Variants in ARMC2 observed in about 807,000 individuals in gnomAD.
ARMC2 encodes armadillo repeat-containing protein 2.
Under a neutral mutation model 90.3 loss-of-function variants are expected in ARMC2, and 67 were observed. That is an observed-to-expected ratio of 0.74 (90% CI 0.61 to 0.91). ARMC2 has a LOEUF of 0.91. ARMC2 is among the 40% of genes least tolerant of loss of function. ARMC2 has a pLI of 0.00. For synonymous variants in ARMC2, 393 were observed against 393.0 expected, an observed-to-expected ratio of 1.00 and a Z score of 0.00; for missense variants, 920 against 1,030.9, an observed-to-expected ratio of 0.89 and a Z score of 1.47.
intron 10 of ARMC2, among the ~76,000 whole-genome samples, chr6:108,913,455 T>C (rs1422679236): frequency 2.6e-5 from 4 of 152,268 alleles, no homozygotes; most frequent in Non-Finnish European, 4.4e-5. Flanking sequence ...TCATCAATGA[T>C]GCACAGTTTT....
chr6:108,954,045 A>C (rs1777387950), intron 13 of ARMC2, among the ~76,000 whole-genome samples: 2 of 152,148 alleles, frequency 1.3e-5, no homozygotes, highest in Non-Finnish European at 2.9e-5. Context: ...TGGTGCAAGC[A>C]CTTGTGGGGT....
At chr6:108,978,913 T>C (rs1779036460), downstream of ARMC2, among the ~76,000 whole-genome samples, 1 of 152,192 alleles carries the variant, frequency 6.6e-6, no homozygotes, top group Admixed American at 6.5e-5. Context: ...ATGGGTCTCC[T>C]GAATACAGCA....
At chr6:108,981,188 C>G in the ARMC2 span, among the ~76,000 whole-genome samples, 1 of 152,036 alleles carries the variant, frequency 6.6e-6, no homozygotes, top group Non-Finnish European at 1.5e-5. Context: ...CGCCAAACAG[C>G]CCCCTTCATA....
Position 108,858,440 on chromosome 6 carries a change from G to A in ARMC2, c.291+169G>A, listed in dbSNP as rs566350526. Among the ~76,000 whole-genome samples the A allele has an allele frequency of 6.7e-4, 101 of 151,790 alleles. 1 individual carries two copies. The highest frequency in any genetic ancestry group is 2.4e-3 in the African/African-American group (100 of 41,396). On this transcript the variant is annotated intron_variant, in intron 3 of 17. Coordinates refer to ENST00000392644, the MANE Select transcript of ARMC2 (RefSeq NM_032131.6). ...TCTTTTATATTGTTCAAATGTAATG[G>A]GTAATATCTAATGAAATACTTCTAT...
At chr6:108,871,296 A>T (rs1478306716) in intron 4 of ARMC2, among the ~76,000 whole-genome samples, 2 of 152,132 alleles carry the variant, frequency 1.3e-5, no homozygotes, top group Non-Finnish European at 2.9e-5. Flanking sequence ...TACCAAAGGG[A>T]GAGACAATGT....
intron 4 of ARMC2, 40 bp downstream of exon 4, chr6:108,869,035 A>G (rs769078378): frequency 6.6e-7 from 1 of 1,525,730 alleles, no homozygotes; most frequent in Non-Finnish European, 8.8e-7. Context: ...GGGGACAGGC[A>G]TGCTTCTTGA....
At chr6:109,032,393 C>A in the ARMC2 span, among the ~76,000 whole-genome samples, 1 of 151,986 alleles carries the variant, frequency 6.6e-6, no homozygotes, top group Non-Finnish European at 1.5e-5. Context: ...CCGAGGCGGG[C>A]AAATCACAAG....
At chr6:108,998,463 G>A in the ARMC2 span, 17 of 1,599,786 alleles carry the variant, frequency 1.1e-5, no homozygotes, top group African/African-American at 1.2e-4. Context: ...TAATATAACA[G>A]CAATTATTGT....
At chr6:108,953,388 C>T (rs901915802) in intron 13 of ARMC2, 37 bp downstream of exon 13, 1 of 1,550,752 alleles carries the variant, frequency 6.4e-7, no homozygotes, top group Non-Finnish European at 8.7e-7. Flanking sequence ...GCAGACACAA[C>T]CAACTTTCCC....
chr6:108,992,106 TATTA>T, the ARMC2 span, among the ~76,000 whole-genome samples: 3 of 152,096 alleles, frequency 2.0e-5, no homozygotes, highest in African/African-American at 7.2e-5. Context: ...TTAGCTTATT[TATTA>T]TTTTTTGAGA....
At chr6:108,956,291 A>G (rs1458496287) in intron 13 of ARMC2, among the ~76,000 whole-genome samples, 1 of 152,200 alleles carries the variant, frequency 6.6e-6, no homozygotes, top group Non-Finnish European at 1.5e-5. Context: ...AAAGTGAAAA[A>G]ACTCCTCATC....
intron 3 of ARMC2, among the ~76,000 whole-genome samples, chr6:108,864,876 C>CTT (rs910047613): frequency 1.3e-5 from 2 of 152,064 alleles, no homozygotes; most frequent in Non-Finnish European, 2.9e-5. Context: ...TCAATGGACT[C>CTT]TAACAGGTCC....
chr6:109,020,274 CT>C, the ARMC2 span, among the ~76,000 whole-genome samples: 1 of 152,168 alleles, frequency 6.6e-6, no homozygotes, highest in South Asian at 2.1e-4. Context: ...CTGATAAAAT[CT>C]TCTCACCAAC....
At chr6:108,899,881 T>C in intron 7 of ARMC2, 89 bp downstream of exon 7, 1 of 943,692 alleles carries the variant, frequency 1.1e-6, no homozygotes, top group East Asian at 2.7e-5. Context: ...ATTGCCCTGA[T>C]ATTTTTAGTA....
At chr6:109,032,351 G>A in the ARMC2 span, among the ~76,000 whole-genome samples, 190 of 152,288 alleles carry the variant, frequency 1.2e-3, 1 homozygote, top group African/African-American at 4.2e-3. Context: ...GGGCGCAGTG[G>A]CTCACGCCTG....
chr6:108,977,437 AG>A (rs1397711682), downstream of ARMC2, among the ~76,000 whole-genome samples: 3 of 152,208 alleles, frequency 2.0e-5, no homozygotes, highest in Non-Finnish European at 4.4e-5. Flanking sequence ...GATGTTCATC[AG>A]GGATATTGGC....
chr6:108,911,334 CT>C (rs1773402850), intron 9 of ARMC2, among the ~76,000 whole-genome samples: 1 of 152,028 alleles, frequency 6.6e-6, no homozygotes, highest in South Asian at 2.1e-4. Context: ...AAATTTTAGT[CT>C]TTTAATATAC....
chr6:108,919,711 A>T (rs182453985), intron 10 of ARMC2, among the ~76,000 whole-genome samples: 80 of 152,206 alleles, frequency 5.3e-4, no homozygotes, highest in African/African-American at 1.8e-3. Context: ...CGTAGCCCCT[A>T]CCCTTATCAA....
chr6:108,918,561 G>T (rs1393280156), intron 10 of ARMC2, among the ~76,000 whole-genome samples: 1 of 151,162 alleles, frequency 6.6e-6, no homozygotes, highest in Non-Finnish European at 1.5e-5. Flanking sequence ...TGTATTCATT[G>T]TTTGCCGTTG....
Sources: allele counts gnomAD v4.1 joint callset (sites outside exome capture counted in the v4.1 genomes callset), GRCh38; gene constraint gnomAD v4.1.1; transcripts MANE v1.5; gene names NCBI Gene and HGNC (gene_info 2026-07-23, HGNC 2026-07-21).